Variants in KIF16B observed in about 807,000 individuals in gnomAD.
KIF16B encodes kinesin family member 16B.
A neutral mutation model predicts 156.3 loss-of-function variants in KIF16B; 98 were observed. The observed-to-expected ratio is 0.63, with a 90% CI of 0.53 to 0.74. The LOEUF (loss-of-function observed/expected upper bound fraction) is 0.74. Among genes scored for constraint, KIF16B ranks in the 30% least tolerant of loss-of-function variants. KIF16B has a pLI of 0.00. For missense variants in KIF16B, 1,421 were observed against 1,606.5 expected, an observed-to-expected ratio of 0.88 and a Z score of 1.97; for synonymous variants, 564 against 583.7, an observed-to-expected ratio of 0.97 and a Z score of 0.49.
At chr20:16,506,325 G>T in intron 7 of KIF16B, 135 bp from the exon 8 acceptor site, 1 of 706,098 alleles carries the variant, frequency 1.4e-6, no homozygotes, top group Non-Finnish European at 2.4e-6. Context: ...TTGTTTTACT[G>T]GCCTTCCTAC....
At chr20:16,525,151 T>C (rs1434330045) in intron 3 of KIF16B, among the ~76,000 whole-genome samples, 1 of 152,160 alleles carries the variant, frequency 6.6e-6, no homozygotes, top group Non-Finnish European at 1.5e-5. Context: ...ATTCTGCACA[T>C]GTATCCCAGA....
intron 22 of KIF16B, among the ~76,000 whole-genome samples, chr20:16,362,089 A>G (rs1225542999): frequency 6.6e-6 from 1 of 152,232 alleles, no homozygotes; most frequent in Non-Finnish European, 1.5e-5. Context: ...ATGAATGCAG[A>G]CAGGTTAGGA....
intron 23 of KIF16B, among the ~76,000 whole-genome samples, chr20:16,354,783 A>G (rs1384993011): frequency 1.3e-5 from 2 of 152,152 alleles, no homozygotes; most frequent in Non-Finnish European, 2.9e-5. Flanking sequence ...TGTCTCTACT[A>G]AAAACACAAA....
At chr20:16,434,407 C>A (rs2066587733) in intron 12 of KIF16B, among the ~76,000 whole-genome samples, 1 of 152,204 alleles carries the variant, frequency 6.6e-6, no homozygotes, top group Non-Finnish European at 1.5e-5. Flanking sequence ...TAATCACAAC[C>A]ACATCCTTAG....
intron 25 of KIF16B, among the ~76,000 whole-genome samples, chr20:16,287,919 TAA>T (rs980163959): frequency 2.0e-5 from 3 of 152,200 alleles, no homozygotes; most frequent in Admixed American, 1.3e-4. Context: ...AGCTTCCACA[TAA>T]TCTGACAGGT....
chr20:16,528,617 C>T (rs777076348), intron 1 of KIF16B, among the ~76,000 whole-genome samples, 177 bp from the exon 2 acceptor site: 61 of 152,224 alleles, frequency 4.0e-4, no homozygotes, highest in Admixed American at 1.0e-3. Flanking sequence ...CATGAAGATA[C>T]GCAAAATGAT....
At chr20:16,450,594 C>A (rs990079769) in intron 12 of KIF16B, among the ~76,000 whole-genome samples, 1 of 152,186 alleles carries the variant, frequency 6.6e-6, no homozygotes, top group East Asian at 1.9e-4. Flanking sequence ...TGCCTTGTTA[C>A]TATTCTCCCT....
intron 1 of KIF16B, among the ~76,000 whole-genome samples, chr20:16,557,562 TAA>T (rs1466609146): frequency 6.6e-6 from 1 of 152,094 alleles, no homozygotes; most frequent in Non-Finnish European, 1.5e-5. Context: ...GGAGGACTAT[TAA>T]AGTCATGTTT....
chr20:16,350,280 C>T (rs536786494), intron 23 of KIF16B, among the ~76,000 whole-genome samples: 66 of 152,272 alleles, frequency 4.3e-4, no homozygotes, highest in African/African-American at 1.5e-3. Context: ...TGAGAAAAGG[C>T]GGGCACCTCG....
intron 22 of KIF16B, among the ~76,000 whole-genome samples, chr20:16,357,719 A>T (rs1171502028): frequency 1.3e-5 from 2 of 152,208 alleles, no homozygotes; most frequent in Non-Finnish European, 2.9e-5. Context: ...ACACAAGGAC[A>T]TATAATTTGT....
chr20:16,349,870 T>C (rs1442757822), intron 23 of KIF16B, among the ~76,000 whole-genome samples: 1 of 152,228 alleles, frequency 6.6e-6, no homozygotes, highest in Non-Finnish European at 1.5e-5. Flanking sequence ...AGGGCCAGAC[T>C]GACTGAAATT....
chr20:16,430,671 T>C (rs369078546), intron 12 of KIF16B, among the ~76,000 whole-genome samples: 13 of 152,182 alleles, frequency 8.5e-5, no homozygotes, highest in Admixed American at 7.2e-4. Context: ...ATGAAGGTTA[T>C]TGTCTTTGGG....
chr20:16,441,964 T>TA (rs2066813621), intron 12 of KIF16B, among the ~76,000 whole-genome samples: 1 of 152,144 alleles, frequency 6.6e-6, no homozygotes. Flanking sequence ...TATATTACAT[T>TA]AAAAAATCTA....
chr20:16,451,550 C>T (rs2067081468), intron 12 of KIF16B, among the ~76,000 whole-genome samples: 1 of 150,820 alleles, frequency 6.6e-6, no homozygotes, highest in Non-Finnish European at 1.5e-5. Flanking sequence ...AAAAAACCAC[C>T]ACCACCACAA....
chr20:16,382,097 C>A, intron 17 of KIF16B: 1 of 1,353,280 alleles, frequency 7.4e-7, no homozygotes, highest in East Asian at 4.5e-5. Context: ...AGAATCTCTA[C>A]CTTAGACAGA....
chr20:16,480,989 A>G (rs186983226), intron 12 of KIF16B, among the ~76,000 whole-genome samples: 93 of 152,298 alleles, frequency 6.1e-4, no homozygotes, highest in African/African-American at 2.2e-3. Context: ...ACAACCATGC[A>G]ATAAACATGG....
chr20:16,535,550 G>A (rs2069926684), intron 1 of KIF16B, among the ~76,000 whole-genome samples: 2 of 152,140 alleles, frequency 1.3e-5, no homozygotes, highest in Admixed American at 1.3e-4. Flanking sequence ...GTAAAAGTGG[G>A]TATCCTTGTC....
At chr20:16,438,165 A>C (rs956108130) in intron 12 of KIF16B, among the ~76,000 whole-genome samples, 4 of 151,942 alleles carry the variant, frequency 2.6e-5, no homozygotes, top group Non-Finnish European at 4.4e-5. Flanking sequence ...AGAAAAAGTC[A>C]TTATCAACAA....
intron 12 of KIF16B, among the ~76,000 whole-genome samples, chr20:16,430,845 G>GTGTGTGTA (rs1568973664): frequency 1.4e-5 from 2 of 142,480 alleles, no homozygotes; most frequent in African/African-American, 5.5e-5. Flanking sequence ...CTGTGTGTGT[G>GTGTGTGTA]TATGTATATA....
Sources: allele counts gnomAD v4.1 joint callset (sites outside exome capture counted in the v4.1 genomes callset), GRCh38; gene constraint gnomAD v4.1.1; transcripts MANE v1.5; gene names NCBI Gene and HGNC (gene_info 2026-07-23, HGNC 2026-07-21).